Variants in MYLIP observed in about 807,000 individuals in gnomAD.
MYLIP encodes E3 ubiquitin-protein ligase MYLIP.
Under a neutral mutation model 45.8 loss-of-function variants are expected in MYLIP, and 26 were observed. That is an observed-to-expected ratio of 0.57 (90% CI 0.42 to 0.79). The LOEUF (loss-of-function observed/expected upper bound fraction) is 0.79. Ranked by LOEUF, MYLIP falls within the 30% of genes least tolerant of loss-of-function variation. MYLIP has a pLI of 0.00. For synonymous variants in MYLIP, 213 were observed against 218.1 expected, an observed-to-expected ratio of 0.98 and a Z score of 0.21; for missense variants, 494 against 555.6, an observed-to-expected ratio of 0.89 and a Z score of 1.11.
intron 2 of MYLIP, among the ~76,000 whole-genome samples, chr6:16,140,615 C>G (rs948659422): frequency 6.6e-6 from 1 of 152,112 alleles, no homozygotes; most frequent in African/African-American, 2.4e-5. Flanking sequence ...GAATGGCCCT[C>G]AGGACAGAGG....
intron 2 of MYLIP, among the ~76,000 whole-genome samples, chr6:16,140,114 C>T (rs1759637856): frequency 6.6e-6 from 1 of 152,180 alleles, no homozygotes; most frequent in Non-Finnish European, 1.5e-5. Flanking sequence ...TAAACAGAAA[C>T]AGTGCTGAGG....
At chr6:16,130,223 A>T (rs1212663474) in intron 1 of MYLIP, among the ~76,000 whole-genome samples, 1 of 152,214 alleles carries the variant, frequency 6.6e-6, no homozygotes, top group Non-Finnish European at 1.5e-5. Flanking sequence ...TGTGCAGAGT[A>T]TGCTGGTGGA....
downstream of MYLIP, among the ~76,000 whole-genome samples, chr6:16,149,575 C>T (rs992950767): frequency 6.6e-6 from 1 of 152,232 alleles, no homozygotes; most frequent in Non-Finnish European, 1.5e-5. Context: ...TCTGAAGGAA[C>T]ATGTGATGTA....
chr6:16,141,136 G>C (rs1759662718), intron 2 of MYLIP, among the ~76,000 whole-genome samples: 1 of 152,178 alleles, frequency 6.6e-6, no homozygotes, highest in Non-Finnish European at 1.5e-5. Context: ...AGAACATCCA[G>C]GTGGTGAAGC....
chr6:16,133,760 G>A (rs1417834696), intron 2 of MYLIP, among the ~76,000 whole-genome samples: 3 of 152,090 alleles, frequency 2.0e-5, no homozygotes, highest in South Asian at 2.1e-4. Flanking sequence ...TTTTGCTCCC[G>A]ACTTAGCCAC....
chr6:16,145,462 A>G (rs528361666), intron 6 of MYLIP, 145 bp downstream of exon 6: 66 of 852,856 alleles, frequency 7.7e-5, no homozygotes, highest in African/African-American at 7.1e-4. Flanking sequence ...TTGGTGACCT[A>G]AAAGGCATTG....
intron 3 of MYLIP, 147 bp downstream of exon 3, chr6:16,141,957 T>C (rs1383158723): frequency 3.0e-6 from 2 of 677,546 alleles, no homozygotes; most frequent in African/African-American, 1.8e-5. Flanking sequence ...TAAGAAGTCA[T>C]ACATAATATA....
At position 16,129,767 on chromosome 6, in the gene MYLIP, C is replaced by T. The variant is rs1001640700; in HGVS notation, c.87+358C>T. Among the ~76,000 whole-genome samples, 4 of 152,230 alleles carry T rather than the reference C, an allele frequency of 2.6e-5. No individual in the cohort carries two copies. The highest frequency in any genetic ancestry group is 4.4e-5 in the Non-Finnish European group (3 of 68,048). On this transcript the variant is annotated intron_variant, in intron 1 of 6. Coordinates refer to ENST00000356840, the MANE Select transcript of MYLIP (RefSeq NM_013262.4). This position sits in a 1 kb window ranked among gnomAD's most constrained non-coding sequence, Gnocchi z 5.1. ...TGCGTGATGCCGCCTGTCGGGTCCC[C>T]GCGGCGCCTGGCAGTGCCACCCGCG... is the stretch of plus-strand genomic sequence containing the variant.
At chr6:16,161,327 GC>G in the MYLIP span, 2 of 311,842 alleles carry the variant, frequency 6.4e-6, no homozygotes. Flanking sequence ...TCAGATGGGT[GC>G]CCACAATTAT....
downstream of MYLIP, among the ~76,000 whole-genome samples, chr6:16,148,771 A>G (rs1337877353): frequency 1.3e-5 from 2 of 152,186 alleles, no homozygotes; most frequent in Non-Finnish European, 2.9e-5. Flanking sequence ...GTATTCCTGC[A>G]GGACTGCTGG....
intron 2 of MYLIP, among the ~76,000 whole-genome samples, 178 bp downstream of exon 2, chr6:16,130,925 T>C (rs2235215): frequency 0.46 from 69,846 of 151,646 alleles, 18,113 homozygotes; most frequent in East Asian, 0.8. Context: ...CTACTTGGTC[T>C]GAGTGCATTT....
chr6:16,143,571 T>G, intron 4 of MYLIP, 128 bp from the exon 5 acceptor site: 1 of 939,042 alleles, frequency 1.1e-6, no homozygotes, highest in East Asian at 2.5e-5. Flanking sequence ...TATGGTGATG[T>G]GATAACCCCA....
At chr6:16,140,735 G>A (rs996424586) in intron 2 of MYLIP, among the ~76,000 whole-genome samples, 6 of 152,140 alleles carry the variant, frequency 3.9e-5, no homozygotes, top group South Asian at 2.1e-4. Flanking sequence ...GACAGGAGAC[G>A]TGGCTGGAAA....
downstream of MYLIP, among the ~76,000 whole-genome samples, chr6:16,150,136 G>A (rs1000117315): frequency 3.9e-5 from 6 of 152,206 alleles, no homozygotes; most frequent in Non-Finnish European, 7.3e-5. Context: ...GTCCCTGAAA[G>A]GACCCACATC....
At position 16,129,534 on chromosome 6, in the gene MYLIP, G is replaced by A; in HGVS notation, c.87+125G>A. 1.1e-6 allele frequency: 1 copy of A among 916,912 alleles called. No individual in the cohort carries two copies. Among genetic ancestry groups the A allele is most frequent in the Non-Finnish European group, 1.6e-6 (1 of 626,856 alleles). The allele number at this position is 916,912 out of a possible 1,614,324, so 56.8% of individuals were successfully genotyped here. ...GGAGGCACTGCGGCGGCAGCCGGGG[G>A]GAGCGCGTCCCCTCCTCTCCACGGG... On this transcript the variant is annotated intron_variant, in intron 1 of 6. Coordinates refer to ENST00000356840, the MANE Select transcript of MYLIP (RefSeq NM_013262.4). This position sits in a 1 kb window ranked among gnomAD's most constrained non-coding sequence, Gnocchi z 5.1.
chr6:16,156,234 A>T, the MYLIP span, among the ~76,000 whole-genome samples: 1 of 152,148 alleles, frequency 6.6e-6, no homozygotes, highest in Admixed American at 6.5e-5. Flanking sequence ...CAGACAGAAA[A>T]CAGAGATGTA....
At chr6:16,146,508 C>G (rs547796919) in intron 6 of MYLIP, among the ~76,000 whole-genome samples, 154 bp from the exon 7 acceptor site, 6 of 152,136 alleles carry the variant, frequency 3.9e-5, no homozygotes, top group Non-Finnish European at 8.8e-5. Flanking sequence ...ACCTGTGAGA[C>G]GGCAAAGATC....
chr6:16,140,256 A>G (rs1402298298), intron 2 of MYLIP, among the ~76,000 whole-genome samples: 1 of 152,250 alleles, frequency 6.6e-6, no homozygotes, highest in African/African-American at 2.4e-5. Context: ...GACACTTGTT[A>G]TAACTGAGGC....
intron 2 of MYLIP, among the ~76,000 whole-genome samples, chr6:16,137,095 G>A (rs1312079000): frequency 6.6e-6 from 1 of 152,134 alleles, no homozygotes; most frequent in Non-Finnish European, 1.5e-5. Flanking sequence ...TTTGCTACCT[G>A]GAAGTCATGA....
Sources: gnomAD v4.1 joint callset for allele counts (sites outside exome capture counted in the v4.1 genomes callset) on GRCh38, gnomAD v4.1.1 for gene constraint, Gnocchi (gnomAD v3.1) non-coding constraint, MANE v1.5 for transcripts, NCBI Gene and HGNC (gene_info 2026-07-23, HGNC 2026-07-21) for gene names.